Variants in RADIL observed in about 807,000 individuals in gnomAD.
RADIL encodes the protein ras-associating and dilute domain-containing protein.
RADIL carries 99 observed loss-of-function variants against 97.6 expected under a neutral mutation model. That is an observed-to-expected ratio of 1.01 (90% CI 0.86 to 1.20). RADIL has a LOEUF of 1.20. RADIL is among the 50% of genes most tolerant of loss of function. The pLI is 0.00. For synonymous variants in RADIL, 803 were observed against 691.8 expected (o/e 1.16, Z -2.52); for missense variants, 1,765 against 1,498.9 (o/e 1.18, Z -2.93).
chr7:4,883,142 G>C lies in RADIL; in HGVS notation c.-65+454C>G, dbSNP rs1239410168. On this transcript the variant is annotated intron_variant, in intron 1 of 14. Coordinates refer to ENST00000399583, the MANE Select transcript of RADIL (RefSeq NM_018059.5). This position sits in a 1 kb window ranked among gnomAD's most constrained non-coding sequence, Gnocchi z 7.1. ...TGCAGGGGACGTCTCGCCGGCCCAG[G>C]TGGGAGAGCGCGCGGAACCCTGCGC... Among the ~76,000 whole-genome samples, 1 of 147,394 alleles carries C rather than the reference G, an allele frequency of 6.8e-6. No homozygotes were observed. Among genetic ancestry groups the C allele is most frequent in the East Asian group, 1.9e-4 (1 of 5,194 alleles).
chr7:4,860,130 C>T (rs528192180), intron 2 of RADIL: 32 of 1,613,834 alleles, frequency 2.0e-5, no homozygotes, highest in Non-Finnish European at 2.5e-5. Context: ...GTCATTACAG[C>T]CAAGGCAGGA....
At position 4,849,030 on chromosome 7, in the gene RADIL, C is replaced by G. The variant is rs550018286; in HGVS notation, c.536-12425G>C. Reference sequence around the variant, plus strand: ...GCATATGCCTGTAATCCCAGCTACTCGAGAGACTGAAGCAGGAGAATCGTT... The same window carrying G: ...GCATATGCCTGTAATCCCAGCTACTGGAGAGACTGAAGCAGGAGAATCGTT... On this transcript the variant is annotated intron_variant, in intron 2 of 14. Transcript: ENST00000399583. The surrounding 1 kb of genome is among the most constrained non-coding windows in gnomAD (Gnocchi z 5.4). 4.7e-4 allele frequency among the ~76,000 whole-genome samples: 72 copies of G among 151,670 alleles called. 1 individual carries two copies. Among genetic ancestry groups the G allele is most frequent in the Admixed American group, 8.5e-4 (13 of 15,216 alleles).
intron 11 of RADIL, 99 bp downstream of exon 11, chr7:4,803,447 C>G: frequency 9.2e-7 from 1 of 1,087,656 alleles, no homozygotes. Context: ...GGCACGCTGG[C>G]TGGGTGGCCC....
At position 4,818,631 on chromosome 7, in the gene RADIL, G is replaced by A. The variant is rs542939723; in HGVS notation, c.1616-1280C>T. ...CCTGTGGAGACACACAAGGTGGCCC[G>A]ACGGCGCCCACAGCGAGTGCCGGCA... On this transcript the variant is annotated intron_variant, in intron 6 of 14. Coordinates refer to ENST00000399583, the MANE Select transcript of RADIL (RefSeq NM_018059.5). The surrounding 1 kb of genome is among the most constrained non-coding windows in gnomAD (Gnocchi z 7.1). Among the ~76,000 whole-genome samples the A allele has an allele frequency of 7.2e-5, 11 of 152,242 alleles. 1 individual carries two copies. Among genetic ancestry groups the A allele is most frequent in the African/African-American group, 2.4e-4 (10 of 41,540 alleles).
At chr7:4,806,517 C>T (rs980178232) in intron 9 of RADIL, among the ~76,000 whole-genome samples, 3 of 152,206 alleles carry the variant, frequency 2.0e-5, no homozygotes, top group Admixed American at 1.3e-4. Flanking sequence ...GACAAAAAGC[C>T]TACACCGTAA....
chr7:4,802,372 C>T (rs1422810090), intron 11 of RADIL, among the ~76,000 whole-genome samples: 136 of 142,096 alleles, frequency 9.6e-4, no homozygotes, highest in African/African-American at 2.6e-3. Flanking sequence ...GGCTGGGGGG[C>T]CCCCTCCCCG....
rs1327110729 is a variant in RADIL at position 4,816,443 on chromosome 7, G to T, written c.1751C>A (p.Ala584Glu). The T allele has an allele frequency of 6.2e-7, 1 of 1,607,306 alleles. No individual in the cohort carries two copies. The highest frequency in any genetic ancestry group is 1.3e-5 in the African/African-American group (1 of 74,848). ...VSKSLYICLP[A>E]LLECPPFQTE... ...CTGGAATGGCGGGCACTCCAGGAGT[G>T]CCGGGAGGCAGATGTACAGGGACTG... The change falls in exon 8 of 15, where the codon GCA becomes GAA. Residue 584 changes from alanine to glutamate, a missense_variant. Coordinates refer to ENST00000399583, the MANE Select transcript of RADIL (RefSeq NM_018059.5).
chr7:4,814,546 T>C lies in RADIL; in HGVS notation c.2139+732A>G, dbSNP rs182984914. ...ATGACTGTGTTGGGAAGGGGGGTGG[T>C]GAGTGGCTGACTGTGTTGGGAGGGG... On this transcript the variant is annotated intron_variant, in intron 9 of 14. Transcript: ENST00000399583. This position sits in a 1 kb window ranked among gnomAD's most constrained non-coding sequence, Gnocchi z 4.5. Among the ~76,000 whole-genome samples, 12 of 147,136 alleles carry C rather than the reference T, an allele frequency of 8.2e-5. No homozygotes were observed. The highest frequency in any genetic ancestry group is 3.4e-4 in the Admixed American group (5 of 14,650).
Position 4,814,574 on chromosome 7 carries a change from T to G in RADIL, c.2139+704A>C, listed in dbSNP as rs1583275077. ...GTGGCTGACTGTGTTGGGAGGGGGG[T>G]GGTGAGCAGCGAGGGAAGCAGGGAG... On this transcript the variant is annotated intron_variant, in intron 9 of 14. Coordinates refer to ENST00000399583, the MANE Select transcript of RADIL (RefSeq NM_018059.5). The surrounding 1 kb of genome is among the most constrained non-coding windows in gnomAD (Gnocchi z 4.5). Among the ~76,000 whole-genome samples, 1 of 149,312 alleles carries G rather than the reference T, an allele frequency of 6.7e-6. No individual in the cohort carries two copies. Among genetic ancestry groups the G allele is most frequent in the African/African-American group, 2.5e-5 (1 of 40,488 alleles).
chr7:4,832,269 A>T, intron 4 of RADIL, 91 bp from the exon 5 acceptor site: 1 of 1,289,436 alleles, frequency 7.8e-7, no homozygotes, highest in Non-Finnish European at 1.1e-6. Context: ...ACAGGAAAAC[A>T]AGCCATGCTG....
intron 10 of RADIL, chr7:4,805,267 G>T: frequency 2.6e-6 from 1 of 385,582 alleles, no homozygotes; most frequent in Admixed American, 4.0e-5. Context: ...TACAACAGGG[G>T]AGGCCCCATC....
At chr7:4,807,122 C>A (rs915440459) in intron 9 of RADIL, among the ~76,000 whole-genome samples, 1 of 152,090 alleles carries the variant, frequency 6.6e-6, no homozygotes, top group Non-Finnish European at 1.5e-5. Flanking sequence ...GCTGGGTCCC[C>A]TCTGTTCTCA....
chr7:4,881,684 G>A (rs1438112008), intron 1 of RADIL, among the ~76,000 whole-genome samples: 2 of 148,226 alleles, frequency 1.3e-5, no homozygotes, highest in African/African-American at 2.5e-5. Context: ...CCGAGATCAC[G>A]CCACTGCACT....
At position 4,880,395 on chromosome 7, in the gene RADIL, G is replaced by A. The variant is rs1480919906; in HGVS notation, c.-64-2192C>T. Among the ~76,000 whole-genome samples the A allele has an allele frequency of 6.6e-6, 1 of 152,170 alleles. No individual in the cohort carries two copies. Among genetic ancestry groups the A allele is most frequent in the Non-Finnish European group, 1.5e-5 (1 of 68,030 alleles). ...ACATCACAAACGTGCGGCCTGGCCT[G>A]TGCACACCACACCAGCGGCTTCCAA... On this transcript the variant is annotated intron_variant, in intron 1 of 14. Coordinates refer to ENST00000399583, the MANE Select transcript of RADIL (RefSeq NM_018059.5). The surrounding 1 kb of genome is among the most constrained non-coding windows in gnomAD (Gnocchi z 4.5).
chr7:4,838,301 C>CA lies in RADIL; in HGVS notation c.536-1697dup, dbSNP rs373853684. Among the ~76,000 whole-genome samples, 1,114 of 152,280 alleles carry CA rather than the reference C, an allele frequency of 7.3e-3. 9 individuals are homozygous for CA. Among genetic ancestry groups the CA allele is most frequent in the Non-Finnish European group, 0.013 (875 of 68,016 alleles). The stretch of plus-strand genomic sequence containing the variant: ...TATGGGGCCAGATCCGAAAGAAGAA[C>CA]AAAAACAGCTCCAAATGATGCTCCG... On this transcript the variant is annotated intron_variant, in intron 2 of 14. Transcript: ENST00000399583.
intron 2 of RADIL, among the ~76,000 whole-genome samples, chr7:4,862,167 C>T (rs766488290): frequency 6.6e-6 from 1 of 152,246 alleles, no homozygotes; most frequent in African/African-American, 2.4e-5. Context: ...TGTTGATGAC[C>T]GGCCAAACTC....
chr7:4,871,846 C>T (rs1022446540), intron 2 of RADIL, among the ~76,000 whole-genome samples: 1 of 152,174 alleles, frequency 6.6e-6, no homozygotes, highest in African/African-American at 2.4e-5. Flanking sequence ...AGTCAAAAGC[C>T]CAGTGAGTGC....
At chr7:4,816,497 C>G in intron 7 of RADIL, 32 bp from the exon 8 acceptor site, 1 of 1,569,988 alleles carries the variant, frequency 6.4e-7, no homozygotes, top group South Asian at 1.1e-5. Context: ...CAGCAACCAG[C>G]ATTTCCAGGA....
chr7:4,808,481 A>T, intron 9 of RADIL: 3 of 708,164 alleles, frequency 4.2e-6, no homozygotes, highest in Non-Finnish European at 5.2e-6. Context: ...GCCTATTTTT[A>T]TAGGGCCCCC....
Sources: allele counts gnomAD v4.1 joint callset (sites outside exome capture counted in the v4.1 genomes callset), GRCh38; gene constraint gnomAD v4.1.1; non-coding constraint Gnocchi (gnomAD v3.1); transcripts MANE v1.5; gene names NCBI Gene and HGNC (gene_info 2026-07-23, HGNC 2026-07-21).